WAPL: variants seen among roughly 807,000 people sequenced by gnomAD.
WAPL encodes wings apart-like protein homolog.
A neutral mutation model predicts 121.0 loss-of-function variants in WAPL; 5 were observed. The observed-to-expected ratio is 0.04, with a 90% CI of 0.02 to 0.09. The LOEUF is 0.09. Ranked by LOEUF, WAPL falls within the 10% of genes least tolerant of loss-of-function variation. The pLI is 1.00. For missense variants in WAPL, 999 were observed against 1,410.8 expected, an observed-to-expected ratio of 0.71 and a Z score of 4.68; for synonymous variants, 480 against 481.5, an observed-to-expected ratio of 1.00 and a Z score of 0.04.
At chr10:86,494,666 G>A (rs560638904) in intron 4 of WAPL, among the ~76,000 whole-genome samples, 22 of 152,232 alleles carry the variant, frequency 1.4e-4, no homozygotes, top group African/African-American at 5.1e-4. Context: ...ATAATTCATC[G>A]TAACCAGTAT....
chr10:86,453,043 A>C (rs1318094743), intron 14 of WAPL, among the ~76,000 whole-genome samples, 177 bp downstream of exon 14: 8 of 65,114 alleles, frequency 1.2e-4, no homozygotes, highest in Admixed American at 1.4e-4. Context: ...AAAAAAAAAA[A>C]AAAAAAAAAA....
intron 9 of WAPL, among the ~76,000 whole-genome samples, chr10:86,463,665 G>A (rs1371144301): frequency 6.6e-6 from 1 of 152,212 alleles, no homozygotes; most frequent in African/African-American, 2.4e-5. Context: ...GTCTACAGTA[G>A]TGTGCCGTCA....
At chr10:86,506,472 A>G (rs1382868819) in intron 2 of WAPL, among the ~76,000 whole-genome samples, 1 of 152,234 alleles carries the variant, frequency 6.6e-6, no homozygotes, top group Non-Finnish European at 1.5e-5. Context: ...ACTGCATGTT[A>G]TATTTTAAAA....
chr10:86,521,237 C>T (rs1207389717), intron 1 of WAPL, 128 bp downstream of exon 1: 5 of 234,868 alleles, frequency 2.1e-5, no homozygotes, highest in Non-Finnish European at 4.2e-5. Context: ...CAGGTCATTC[C>T]CCTGCCCAAC....
chr10:86,455,282 TTG>T, intron 12 of WAPL, among the ~76,000 whole-genome samples: 1 of 152,338 alleles, frequency 6.6e-6, no homozygotes, highest in East Asian at 1.9e-4. Context: ...CAGATTGTTA[TTG>T]TGTCTGTGTA....
intron 9 of WAPL, among the ~76,000 whole-genome samples, chr10:86,462,018 T>C (rs1841288105): frequency 6.6e-6 from 1 of 152,174 alleles, no homozygotes; most frequent in African/African-American, 2.4e-5. Context: ...CAAAACTGTA[T>C]ACAAATAATG....
chr10:86,455,691 A>G (rs1464364735), intron 12 of WAPL, among the ~76,000 whole-genome samples: 3 of 130,032 alleles, frequency 2.3e-5, no homozygotes, highest in Non-Finnish European at 5.3e-5. Flanking sequence ...ACTAAAAAAA[A>G]AAAAAGAAAG....
At chr10:86,519,739 T>A (rs546978155) in intron 1 of WAPL, among the ~76,000 whole-genome samples, 1 of 152,312 alleles carries the variant, frequency 6.6e-6, no homozygotes, top group East Asian at 1.9e-4. Context: ...TTCAAGAATG[T>A]AAAGCTGAGA....
rs561854468 is a variant in WAPL, at chr10:86,508,216, C to T, written c.500-7473G>A. On this transcript the variant is annotated intron_variant, in intron 2 of 18. Coordinates refer to ENST00000298767, the MANE Select transcript of WAPL (RefSeq NM_015045.5). Reference sequence around the variant, plus strand: ...TGAACTCTTTCCTGCTCCCCCAAACCCCCCAAGTTACCCTGCCTTTCTTTG... The same window carrying T: ...TGAACTCTTTCCTGCTCCCCCAAACTCCCCAAGTTACCCTGCCTTTCTTTG... 4.6e-5 allele frequency among the ~76,000 whole-genome samples: 7 copies of T among 152,282 alleles called. No individual in the cohort carries two copies. In the South Asian group the frequency reaches 1.5e-3, roughly 32 times the overall value.
At chr10:86,446,200 C>G (rs751020354) in intron 16 of WAPL, 42 bp downstream of exon 16, 2 of 1,601,686 alleles carry the variant, frequency 1.2e-6, no homozygotes, top group Admixed American at 1.7e-5. Context: ...CAAAATCAAA[C>G]CACTATCTTC....
Position 86,452,001 on chromosome 10 carries a change from C to A in WAPL, c.3080G>T (p.Gly1027Val). ...SGEGDDSLRI[G>V]GQVHAVQALV... The stretch of plus-strand genomic sequence containing the variant: ...AGCCTGGACAGCATGAACTTGTCCA[C>A]CTATCCTTAAACTATCATCCCCTTC... Residue 1027 changes from glycine to valine, a missense_variant, in exon 15 of 19, where the codon GGT (glycine) becomes GTT (valine). This residue lies in a region of WAPL where 126 missense variants were observed against 144.0 expected (regional missense o/e 0.87). Transcript: ENST00000298767. The A allele has an allele frequency of 1.2e-6, 2 of 1,614,138 alleles. No homozygotes were observed. The highest frequency in any genetic ancestry group is 1.7e-6 in the Non-Finnish European group (2 of 1,180,042).
rs1169741471 is a variant in WAPL, at chr10:86,521,703, C to T, written c.-361G>A. The T allele has an allele frequency of 6.5e-6, 3 of 464,498 alleles. No individual in the cohort carries two copies. Among genetic ancestry groups the T allele is most frequent in the Admixed American group, 2.4e-5 (1 of 42,098 alleles). The allele number at this position is 464,498 out of a possible 1,614,324, so 28.8% of individuals were successfully genotyped here. On this transcript the variant is annotated 5_prime_UTR_variant, in exon 1 of 19. Coordinates refer to ENST00000298767, the MANE Select transcript of WAPL (RefSeq NM_015045.5). Reference sequence around the variant, plus strand: ...CGCTTCCGCCGGTGAATGGTCAGTGCTGGAGTTTGAACAGGGCCCTGAACC... The same window carrying T: ...CGCTTCCGCCGGTGAATGGTCAGTGTTGGAGTTTGAACAGGGCCCTGAACC...
At chr10:86,489,281 T>C (rs991097303) in intron 4 of WAPL, among the ~76,000 whole-genome samples, 2 of 152,206 alleles carry the variant, frequency 1.3e-5, no homozygotes, top group African/African-American at 4.8e-5. Context: ...CATGGGGGTG[T>C]AGTTTAGTTG....
intron 2 of WAPL, among the ~76,000 whole-genome samples, chr10:86,508,514 ACCC>A (rs202178839): frequency 6.6e-6 from 1 of 151,710 alleles, no homozygotes; most frequent in Non-Finnish European, 1.5e-5. Flanking sequence ...AACACTTGTT[ACCC>A]CCCATTTCCT....
rs200631531 is a variant in WAPL at position 86,453,791 on chromosome 10, G to C, written c.2698C>G (p.Arg900Gly). The C allele has an allele frequency of 1.9e-6, 3 of 1,613,078 alleles. No homozygotes were observed. Among genetic ancestry groups the C allele is most frequent in the Non-Finnish European group, 1.7e-6 (2 of 1,179,780 alleles). ...HCEELIQQYN[R>G]AEDSICLADS... Reference sequence around the variant, plus strand: ...GCTAAGCATATGCTGTCCTCAGCACGGTTGTACTGCTGAATCAGTTCTTCA... The same window carrying C: ...GCTAAGCATATGCTGTCCTCAGCACCGTTGTACTGCTGAATCAGTTCTTCA... The change falls in exon 13 of 19, where the codon CGT (arginine) becomes GGT (glycine). Residue 900 changes from arginine (R) to glycine (G), a missense_variant. Transcript: ENST00000298767.
At chr10:86,492,381 A>G (rs994957770) in intron 4 of WAPL, among the ~76,000 whole-genome samples, 1 of 152,220 alleles carries the variant, frequency 6.6e-6, no homozygotes, top group African/African-American at 2.4e-5. Context: ...AGGTAAGACA[A>G]TAATGGGGAA....
chr10:86,509,926 G>A (rs1842425229), intron 2 of WAPL, among the ~76,000 whole-genome samples: 1 of 151,858 alleles, frequency 6.6e-6, no homozygotes, highest in African/African-American at 2.4e-5. Flanking sequence ...CACCGTGCCT[G>A]GCTAATTTTT....
At chr10:86,516,380 T>C (rs754637701) in intron 2 of WAPL, among the ~76,000 whole-genome samples, 35 of 152,206 alleles carry the variant, frequency 2.3e-4, no homozygotes, top group Non-Finnish European at 4.1e-4. Context: ...CAAGGCCCAG[T>C]ACATTGTACT....
Position 86,445,539 on chromosome 10 carries a change from T to A in WAPL, c.3322+703A>T, listed in dbSNP as rs74794255. On this transcript the variant is annotated intron_variant, in intron 16 of 18. Coordinates refer to ENST00000298767, the MANE Select transcript of WAPL (RefSeq NM_015045.5). ...TTACCTCTAGTATCTTTTTTTTTTT[T>A]AATGAGAAAGGGCCTCACTCTGTCA... Among the ~76,000 whole-genome samples the A allele has an allele frequency of 1.1e-4, 17 of 149,348 alleles. No homozygotes were observed. In the South Asian group the frequency reaches 2.4e-3, roughly 21 times the overall value.
Sources: allele counts gnomAD v4.1 joint callset (sites outside exome capture counted in the v4.1 genomes callset), GRCh38; gene constraint gnomAD v4.1.1; regional missense constraint gnomAD v4.1.1; transcripts MANE v1.5; gene names NCBI Gene and HGNC (gene_info 2026-07-23, HGNC 2026-07-21).